Variants in ZNF892 observed in about 807,000 individuals in gnomAD.
ZNF892 encodes zinc finger protein 892, also known as zinc finger protein 570-like.
chr2:95,234,243 C>T, the ZNF892 span, among the ~76,000 whole-genome samples: 140 of 152,234 alleles, frequency 9.2e-4, no homozygotes, highest in African/African-American at 3.0e-3. Flanking sequence ...AGCAGTCAGG[C>T]GCTCAATGAG....
the ZNF892 span, among the ~76,000 whole-genome samples, chr2:95,247,985 G>T: frequency 6.6e-6 from 1 of 152,196 alleles, no homozygotes; most frequent in Admixed American, 6.5e-5. Flanking sequence ...TCCCATTACT[G>T]AGTGTATATC....
At chr2:95,218,573 C>G in the ZNF892 span, among the ~76,000 whole-genome samples, 1 of 152,188 alleles carries the variant, frequency 6.6e-6, no homozygotes, top group Non-Finnish European at 1.5e-5. Flanking sequence ...CTACCCATCA[C>G]CCAGTTCCAA....
the ZNF892 span, among the ~76,000 whole-genome samples, chr2:95,230,513 G>A: frequency 6.6e-6 from 1 of 152,114 alleles, no homozygotes; most frequent in African/African-American, 2.4e-5. Context: ...TTTTTAAGTT[G>A]CTTTGCGGAA....
At chr2:95,234,552 A>C in the ZNF892 span, among the ~76,000 whole-genome samples, 1 of 152,182 alleles carries the variant, frequency 6.6e-6, no homozygotes, top group Non-Finnish European at 1.5e-5. Flanking sequence ...TCACATTTCT[A>C]CATGGTTGTT....
At chr2:95,259,174 G>T in the ZNF892 span, 64 of 152,450 alleles carry the variant, frequency 4.2e-4, no homozygotes, top group African/African-American at 1.3e-3. Flanking sequence ...CTGTTTTCCG[G>T]GAAAGAAGGA....
At chr2:95,232,677 T>C in the ZNF892 span, among the ~76,000 whole-genome samples, 3 of 152,190 alleles carry the variant, frequency 2.0e-5, no homozygotes, top group Non-Finnish European at 4.4e-5. Flanking sequence ...TCAGTCTCTT[T>C]AGAGGCTTTG....
chr2:95,233,431 T>C, the ZNF892 span, among the ~76,000 whole-genome samples: 1 of 150,620 alleles, frequency 6.6e-6, no homozygotes, highest in Non-Finnish European at 1.5e-5. Context: ...CCCAGCACTT[T>C]GGGAGGCCGA....
At chr2:95,246,361 C>A in the ZNF892 span, among the ~76,000 whole-genome samples, 49 of 152,180 alleles carry the variant, frequency 3.2e-4, no homozygotes, top group East Asian at 9.1e-3. Flanking sequence ...AAGGAACATA[C>A]CCCAAAATAA....
chr2:95,213,195 T>C, the ZNF892 span, among the ~76,000 whole-genome samples: 1 of 152,240 alleles, frequency 6.6e-6, no homozygotes, highest in East Asian at 1.9e-4. Context: ...TAACATCAGA[T>C]AGGCAAGTCC....
At chr2:95,258,016 C>T in the ZNF892 span, among the ~76,000 whole-genome samples, 32 of 152,302 alleles carry the variant, frequency 2.1e-4, no homozygotes, top group East Asian at 3.7e-3. Context: ...TTGCGCTTCC[C>T]GGGTGAGGTG....
chr2:95,262,553 G>A, the ZNF892 span, among the ~76,000 whole-genome samples: 1 of 152,212 alleles, frequency 6.6e-6, no homozygotes, highest in Non-Finnish European at 1.5e-5. Flanking sequence ...CCTCCTCTCA[G>A]CCATCTCTGA....
chr2:95,214,962 TGCGGGAAG>T, the ZNF892 span: 1 of 497,160 alleles, frequency 2.0e-6, no homozygotes, highest in East Asian at 3.1e-5. Flanking sequence ...ATGCAATGAA[TGCGGGAAG>T]GCCTTTAATC....
the ZNF892 span, among the ~76,000 whole-genome samples, chr2:95,233,786 C>T: frequency 6.6e-6 from 1 of 150,532 alleles, no homozygotes; most frequent in African/African-American, 2.4e-5. Context: ...AGGCATGAGT[C>T]ACCACGCCTG....
chr2:95,233,945 G>T, the ZNF892 span, among the ~76,000 whole-genome samples: 48 of 152,340 alleles, frequency 3.2e-4, no homozygotes, highest in East Asian at 9.1e-3. Flanking sequence ...CTCCCAAAGT[G>T]CTGGGATTAC....
the ZNF892 span, among the ~76,000 whole-genome samples, chr2:95,206,979 C>A: frequency 6.6e-6 from 1 of 152,100 alleles, no homozygotes; most frequent in African/African-American, 2.4e-5. Flanking sequence ...AGGCTCCAGC[C>A]TCCTTGGGGC....
the ZNF892 span, chr2:95,215,268 A>G: frequency 2.1e-6 from 1 of 477,570 alleles, no homozygotes; most frequent in East Asian, 3.2e-5. Context: ...GAGGACTCAC[A>G]CTGGGGAGAA....
At chr2:95,239,382 G>T in the ZNF892 span, among the ~76,000 whole-genome samples, 1 of 152,132 alleles carries the variant, frequency 6.6e-6, no homozygotes, top group Admixed American at 6.5e-5. Context: ...TAAGAGGAGG[G>T]ACTCCAATTT....
chr2:95,226,129 G>A, the ZNF892 span, among the ~76,000 whole-genome samples: 1 of 152,182 alleles, frequency 6.6e-6, no homozygotes, highest in Non-Finnish European at 1.5e-5. Flanking sequence ...GTTCCACTGG[G>A]CATTGCCTTA....
At chr2:95,257,568 G>T in the ZNF892 span, among the ~76,000 whole-genome samples, 1 of 152,236 alleles carries the variant, frequency 6.6e-6, no homozygotes, top group East Asian at 1.9e-4. Flanking sequence ...CCAGCTGCAT[G>T]CTGGGAGAAC....
Sources: gnomAD v4.1 joint callset for allele counts (sites outside exome capture counted in the v4.1 genomes callset) on GRCh38, gnomAD v4.1.1 for gene constraint, MANE v1.5 for transcripts, NCBI Gene and HGNC (gene_info 2026-07-23, HGNC 2026-07-21) for gene names.